TMPRSS11D: variants seen among roughly 807,000 people sequenced by gnomAD.
TMPRSS11D encodes transmembrane serine protease 11D, also known as transmembrane protease serine 11D.
TMPRSS11D carries 32 observed loss-of-function variants against 44.4 expected under a neutral mutation model. The ratio of observed to expected loss-of-function variants is 0.72; its 90% CI spans 0.54 to 0.97. TMPRSS11D has a LOEUF of 0.97. Ranked by LOEUF, TMPRSS11D falls within the 50% of genes least tolerant of loss-of-function variation. TMPRSS11D has a pLI of 0.00. For missense variants in TMPRSS11D, 446 were observed against 502.6 expected (o/e 0.89, Z 1.08); for synonymous variants, 179 against 177.9 (o/e 1.01, Z -0.05).
chr4:67,836,715 C>T (rs1316802625), intron 5 of TMPRSS11D, among the ~76,000 whole-genome samples: 2 of 152,028 alleles, frequency 1.3e-5, no homozygotes, highest in Non-Finnish European at 1.5e-5. Flanking sequence ...GGCATTAAAG[C>T]CATGCCTAAA....
At chr4:67,843,977 T>A (rs974225934) in intron 3 of TMPRSS11D, among the ~76,000 whole-genome samples, 5 of 152,182 alleles carry the variant, frequency 3.3e-5, no homozygotes, top group Admixed American at 6.5e-5. Context: ...AACTATCTCC[T>A]TGAATCACTA....
chr4:67,873,948 A>C (rs1560550377), intron 1 of TMPRSS11D, among the ~76,000 whole-genome samples: 1 of 152,222 alleles, frequency 6.6e-6, no homozygotes, highest in Non-Finnish European at 1.5e-5. Flanking sequence ...TGACCCTATT[A>C]TAGAACTACA....
chr4:67,859,813 G>A, intron 1 of TMPRSS11D, 135 bp from the exon 2 acceptor site: 1 of 1,214,940 alleles, frequency 8.2e-7, no homozygotes, highest in Admixed American at 2.7e-5. Flanking sequence ...CATATTCGTA[G>A]ATATGAAACT....
chr4:67,872,871 T>A (rs1719096531), intron 1 of TMPRSS11D, among the ~76,000 whole-genome samples: 1 of 151,996 alleles, frequency 6.6e-6, no homozygotes, highest in Non-Finnish European at 1.5e-5. Context: ...CACATCAGAG[T>A]TTTGAAATGA....
At chr4:67,881,937 A>G (rs1395453958) in intron 1 of TMPRSS11D, among the ~76,000 whole-genome samples, 1 of 152,130 alleles carries the variant, frequency 6.6e-6, no homozygotes, top group African/African-American at 2.4e-5. Context: ...TCTTTATCCT[A>G]TTTCCCAAAC....
At chr4:67,844,182 G>A (rs776321385) in intron 3 of TMPRSS11D, among the ~76,000 whole-genome samples, 5 of 152,140 alleles carry the variant, frequency 3.3e-5, no homozygotes, top group Non-Finnish European at 5.9e-5. Flanking sequence ...GTGAAGACAA[G>A]AAAATTAAGT....
chr4:67,859,764 C>T (rs1718751532), intron 1 of TMPRSS11D, 86 bp from the exon 2 acceptor site: 1 of 1,542,952 alleles, frequency 6.5e-7, no homozygotes, highest in Non-Finnish European at 8.8e-7. Context: ...TTCTGTCTTT[C>T]CCGGTCTCTT....
chr4:67,847,059 C>T (rs975743369), intron 3 of TMPRSS11D, among the ~76,000 whole-genome samples: 1 of 152,148 alleles, frequency 6.6e-6, no homozygotes, highest in African/African-American at 2.4e-5. Flanking sequence ...CATCCACCAT[C>T]ATCCCTGGCT....
chr4:67,865,925 A>C (rs1718915231), intron 1 of TMPRSS11D, among the ~76,000 whole-genome samples: 1 of 152,008 alleles, frequency 6.6e-6, no homozygotes, highest in Non-Finnish European at 1.5e-5. Context: ...TATAAAGAAA[A>C]ACTGATGCCA....
intron 4 of TMPRSS11D, 94 bp downstream of exon 4, chr4:67,842,464 T>C: frequency 8.8e-7 from 1 of 1,133,922 alleles, no homozygotes; most frequent in South Asian, 1.3e-5. Context: ...CAACAACTTA[T>C]CTGAACATGT....
chr4:67,855,540 G>A (rs1240489617), intron 2 of TMPRSS11D, among the ~76,000 whole-genome samples: 3 of 151,936 alleles, frequency 2.0e-5, no homozygotes, highest in Non-Finnish European at 4.4e-5. Flanking sequence ...AGGCTTAGAA[G>A]GGACATACCT....
chr4:67,880,970 A>G (rs375688418), intron 1 of TMPRSS11D, among the ~76,000 whole-genome samples: 11 of 152,148 alleles, frequency 7.2e-5, no homozygotes, highest in African/African-American at 2.4e-4. Flanking sequence ...TTTATTTACA[A>G]CTATCTTAGG....
At position 67,821,632 on chromosome 4, in the gene TMPRSS11D, T is replaced by C. The variant is rs1394483077; in HGVS notation, c.*705A>G. ...CTCTCCTTTATGTAGATGAGTGATATTTTTCATGGGTCATCATGAAAAATA... is the reference window on the plus strand; with the variant it reads ...CTCTCCTTTATGTAGATGAGTGATACTTTTCATGGGTCATCATGAAAAATA... On this transcript the variant is annotated 3_prime_UTR_variant, in exon 10 of 10. Transcript: ENST00000283916. 6.6e-6 allele frequency: 1 copy of C among 152,198 alleles called. No homozygotes were observed. The highest frequency in any genetic ancestry group is 1.5e-5 in the Non-Finnish European group (1 of 68,036). The allele number at this position is 152,198 out of a possible 1,614,324, so 9.4% of individuals were successfully genotyped here.
chr4:67,825,653 G>A, intron 9 of TMPRSS11D, 79 bp downstream of exon 9: 2 of 1,477,272 alleles, frequency 1.4e-6, no homozygotes, highest in Non-Finnish European at 1.8e-6. Flanking sequence ...TTACACTTAT[G>A]TCTATCACAT....
chr4:67,842,119 T>A (rs977110508), intron 4 of TMPRSS11D, among the ~76,000 whole-genome samples: 3 of 152,176 alleles, frequency 2.0e-5, no homozygotes, highest in African/African-American at 4.8e-5. Context: ...TAATACCCTT[T>A]TATTATAGCA....
At chr4:67,843,451 C>G (rs367921730) in intron 3 of TMPRSS11D, among the ~76,000 whole-genome samples, 3 of 152,126 alleles carry the variant, frequency 2.0e-5, no homozygotes, top group Non-Finnish European at 2.9e-5. Context: ...ATCCCAATTA[C>G]CCTGATGTGA....
Position 67,825,394 on chromosome 4 carries a change from T to A in TMPRSS11D, c.1095+338A>T, listed in dbSNP as rs370520554. ...CTGATATATTTAGTCTTCATTTAAC[T>A]TTTCTTAGTACCCAAAAAGTTAGGT... On this transcript the variant is annotated intron_variant, in intron 9 of 9. Transcript: ENST00000283916. Among the ~76,000 whole-genome samples, 13 of 151,972 alleles carry A rather than the reference T, an allele frequency of 8.6e-5. No homozygotes were observed. In the South Asian group the frequency reaches 2.7e-3, roughly 32 times the overall value.
In TMPRSS11D at chr4:67,851,753, C is replaced by T. The variant is rs115510943; in HGVS notation, c.249+2315G>A. Among the ~76,000 whole-genome samples, 510 of 152,326 alleles carry T rather than the reference C, an allele frequency of 3.3e-3. 2 individuals carry two copies. The highest frequency in any genetic ancestry group is 0.011 in the African/African-American group (477 of 41,582). ...CGGTTTCCTCTTCTAGCCAATGGCA[C>T]CATTATCTACCGAAGTTAGACATTT... On this transcript the variant is annotated intron_variant, in intron 3 of 9. Transcript: ENST00000283916.
intron 1 of TMPRSS11D, among the ~76,000 whole-genome samples, chr4:67,883,259 A>T (rs1309740307): frequency 2.0e-5 from 3 of 152,036 alleles, no homozygotes; most frequent in Admixed American, 6.6e-5. Flanking sequence ...ACACATAAAC[A>T]TACCAAGTTA....
Sources: allele counts gnomAD v4.1 joint callset (sites outside exome capture counted in the v4.1 genomes callset), GRCh38; gene constraint gnomAD v4.1.1; transcripts MANE v1.5; gene names NCBI Gene and HGNC (gene_info 2026-07-23, HGNC 2026-07-21).